Variants in TRPM3 observed in about 807,000 individuals in gnomAD.
TRPM3 encodes the protein transient receptor potential cation channel subfamily M member 3, also known as long transient receptor potential channel 3.
A neutral mutation model predicts 181.2 loss-of-function variants in TRPM3; 77 were observed. The observed-to-expected ratio is 0.42, with a 90% CI of 0.35 to 0.51. The LOEUF (loss-of-function observed/expected upper bound fraction) is 0.51. Among genes scored for constraint, TRPM3 ranks in the 20% least tolerant of loss-of-function variants. The probability of loss-of-function intolerance (pLI) is 0.01; values close to 1 mark genes in which losing one functional copy is unlikely to be tolerated. For synonymous variants in TRPM3, 745 were observed against 796.4 expected, an observed-to-expected ratio of 0.94 and a Z score of 1.09; for missense variants, 1,759 against 2,196.7, an observed-to-expected ratio of 0.80 and a Z score of 3.98.
At chr9:70,597,989 AT>A (rs767223708) in intron 21 of TRPM3, among the ~76,000 whole-genome samples, 3 of 152,172 alleles carry the variant, frequency 2.0e-5, no homozygotes, top group Non-Finnish European at 4.4e-5. Context: ...CCCAGCTAAA[AT>A]GTAACCTCTG....
chr9:70,588,828 A>G (rs2057613817), intron 22 of TRPM3, among the ~76,000 whole-genome samples: 1 of 152,228 alleles, frequency 6.6e-6, no homozygotes, highest in Non-Finnish European at 1.5e-5. Context: ...TAACATGAAT[A>G]TTAAATCATT....
At chr9:70,945,965 C>T in intron 1 of TRPM3, among the ~76,000 whole-genome samples, 1 of 151,856 alleles carries the variant, frequency 6.6e-6, no homozygotes, top group Middle Eastern at 3.2e-3. Flanking sequence ...CTCTGTTGAC[C>T]CTGGACTAGG....
At chr9:70,990,855 C>T (rs1223756158) in intron 1 of TRPM3, among the ~76,000 whole-genome samples, 1 of 152,170 alleles carries the variant, frequency 6.6e-6, no homozygotes, top group Non-Finnish European at 1.5e-5. Context: ...TGTCTCACTC[C>T]TGACATAGGC....
At chr9:71,329,963 G>A (rs899095340) in intron 1 of TRPM3, among the ~76,000 whole-genome samples, 4 of 152,160 alleles carry the variant, frequency 2.6e-5, no homozygotes, top group African/African-American at 9.7e-5. Flanking sequence ...CACAGGAGTT[G>A]CGGGATGTAA....
At chr9:71,328,423 C>T (rs988826452) in intron 1 of TRPM3, among the ~76,000 whole-genome samples, 3 of 152,224 alleles carry the variant, frequency 2.0e-5, no homozygotes, top group Non-Finnish European at 4.4e-5. Flanking sequence ...GCCTCGGCCT[C>T]CCAAAGTGCT....
intron 7 of TRPM3, among the ~76,000 whole-genome samples, chr9:70,782,174 C>T (rs6560153): frequency 0.79 from 120,339 of 151,684 alleles, 48,347 homozygotes; most frequent in East Asian, 0.93. Flanking sequence ...AATTGCTAGA[C>T]TTAGAGAAAG....
At chr9:71,224,181 C>A (rs2080431422) in intron 1 of TRPM3, among the ~76,000 whole-genome samples, 1 of 152,202 alleles carries the variant, frequency 6.6e-6, no homozygotes, top group South Asian at 2.1e-4. Context: ...CAGCTCCAGG[C>A]AGCTCAGCAC....
At chr9:70,661,820 G>A (rs2061177014) in intron 9 of TRPM3, among the ~76,000 whole-genome samples, 1 of 152,112 alleles carries the variant, frequency 6.6e-6, no homozygotes, top group African/African-American at 2.4e-5. Flanking sequence ...TAGATGGGAA[G>A]AATCAACATT....
chr9:71,088,222 C>T (rs998385904), intron 1 of TRPM3, among the ~76,000 whole-genome samples: 15 of 152,038 alleles, frequency 9.9e-5, no homozygotes, highest in Admixed American at 4.6e-4. Context: ...ACTAATATTA[C>T]GCAGAGTACA....
At chr9:70,921,974 C>CAT (rs1554770586) in intron 1 of TRPM3, among the ~76,000 whole-genome samples, 5 of 150,430 alleles carry the variant, frequency 3.3e-5, no homozygotes, top group South Asian at 2.1e-4. Flanking sequence ...CACACACACA[C>CAT]ATATAGTTAT....
Position 71,294,169 on chromosome 9 carries a change from T to C in TRPM3, c.183+152484A>G, listed in dbSNP as rs576905208. Among the ~76,000 whole-genome samples the C allele has an allele frequency of 2.6e-5, 4 of 152,118 alleles. No individual in the cohort carries two copies. In the East Asian group the frequency reaches 7.7e-4, roughly 29 times the overall value. ...CAATTTTGTTAAAATGTAAAACTTC[T>C]GTTTATCAAGAGGAACCATGAAATG... On this transcript the variant is annotated intron_variant, in intron 1 of 24. Coordinates refer to the TRPM3 transcript ENST00000357533.
intron 1 of TRPM3, among the ~76,000 whole-genome samples, chr9:71,054,740 G>A (rs1165545547): frequency 6.6e-6 from 1 of 152,066 alleles, no homozygotes; most frequent in Non-Finnish European, 1.5e-5. Flanking sequence ...TAAACCTGAA[G>A]GACTGACTGG....
chr9:71,117,039 C>T (rs1383522333), intron 1 of TRPM3, among the ~76,000 whole-genome samples: 2 of 152,150 alleles, frequency 1.3e-5, no homozygotes, highest in African/African-American at 4.8e-5. Context: ...CACCAGCCAA[C>T]CCTACAGCAA....
upstream of TRPM3, chr9:71,446,952 C>G: frequency 9.3e-7 from 1 of 1,071,512 alleles, no homozygotes; most frequent in Non-Finnish European, 1.3e-6. Flanking sequence ...GCCTTTGCCT[C>G]CGCCGGCTCC....
chr9:71,307,204 A>G (rs962076940), intron 1 of TRPM3, among the ~76,000 whole-genome samples: 1 of 152,214 alleles, frequency 6.6e-6, no homozygotes, highest in Non-Finnish European at 1.5e-5. Context: ...CTGACGATAC[A>G]TATGATTAGT....
intron 1 of TRPM3, among the ~76,000 whole-genome samples, chr9:71,284,054 TG>T (rs1160205414): frequency 3.3e-5 from 5 of 152,224 alleles, no homozygotes; most frequent in African/African-American, 1.2e-4. Flanking sequence ...TAAATGACCC[TG>T]GGAAACTTAT....
rs1259778313 is a variant in TRPM3, at chr9:71,095,716, G to A, written c.177+25462C>T. ...AGAGGTTACAGTGAGCTGACATTGC[G>A]TGACTGCACTCCAGCCTGGGCAGCA... On this transcript the variant is annotated intron_variant, in intron 1 of 25. Coordinates refer to ENST00000677713, the MANE Select transcript of TRPM3 (RefSeq NM_001366145.2). 5.0e-5 allele frequency among the ~76,000 whole-genome samples: 7 copies of A among 140,994 alleles called. No homozygotes were observed. In the East Asian group the frequency reaches 1.1e-3, roughly 22 times the overall value. 92.5% of individuals were successfully genotyped at this position (140,994 alleles called of 152,430 possible). A position where few individuals can be genotyped will look rare whatever the true frequency, so the allele number is the denominator to read the frequency against.
At chr9:70,658,802 A>C (rs550644668) in intron 9 of TRPM3, among the ~76,000 whole-genome samples, 1 of 152,032 alleles carries the variant, frequency 6.6e-6, no homozygotes, top group African/African-American at 2.4e-5. Context: ...CAGAATAGGG[A>C]AAAAACTTTC....
At chr9:71,186,976 A>G (rs2077718815) in intron 1 of TRPM3, among the ~76,000 whole-genome samples, 1 of 152,050 alleles carries the variant, frequency 6.6e-6, no homozygotes. Context: ...ATAGTGTATA[A>G]TACTTTATCA....
Sources: allele counts gnomAD v4.1 joint callset (sites outside exome capture counted in the v4.1 genomes callset), GRCh38; gene constraint gnomAD v4.1.1; transcripts MANE v1.5; gene names NCBI Gene and HGNC (gene_info 2026-07-23, HGNC 2026-07-21).